Variants in GULP1 observed in about 807,000 individuals in gnomAD.
GULP1 encodes the protein PTB domain-containing engulfment adapter protein 1.
In GULP1, 19 loss-of-function variants were observed where a neutral mutation model predicts 40.9. The ratio of observed to expected loss-of-function variants is 0.46; its 90% confidence interval spans 0.32 to 0.68. The LOEUF is 0.68. GULP1 is among the 30% of genes least tolerant of loss of function. The pLI, the probability that GULP1 is intolerant of heterozygous loss-of-function variation, is 0.03. For missense variants in GULP1, 312 were observed against 362.2 expected (o/e 0.86, Z 1.12); for synonymous variants, 119 against 117.6 (o/e 1.01, Z -0.08).
At chr2:188,458,450 T>C (rs2059441836) in intron 2 of GULP1, among the ~76,000 whole-genome samples, 1 of 152,162 alleles carries the variant, frequency 6.6e-6, no homozygotes, top group African/African-American at 2.4e-5. Flanking sequence ...TTCATTTCTT[T>C]CAACCAGTCA....
intron 2 of GULP1, among the ~76,000 whole-genome samples, chr2:188,401,170 T>A (rs1480589140): frequency 6.6e-6 from 1 of 151,966 alleles, no homozygotes; most frequent in African/African-American, 2.4e-5. Context: ...AAAGTATATA[T>A]GATTACTATA....
At chr2:188,473,063 C>T (rs1032124523) in intron 2 of GULP1, among the ~76,000 whole-genome samples, 1 of 152,212 alleles carries the variant, frequency 6.6e-6, no homozygotes, top group Non-Finnish European at 1.5e-5. Context: ...TGGTCTTGGA[C>T]AAGATCTGAA....
At chr2:188,337,738 C>G (rs1330938820) in intron 1 of GULP1, among the ~76,000 whole-genome samples, 1 of 151,970 alleles carries the variant, frequency 6.6e-6, no homozygotes, top group Non-Finnish European at 1.5e-5. Context: ...TCAGTCTATT[C>G]CTGACTGCAC....
chr2:188,550,613 C>A (rs1001763019), intron 7 of GULP1, among the ~76,000 whole-genome samples: 2 of 151,378 alleles, frequency 1.3e-5, no homozygotes, highest in African/African-American at 2.4e-5. Context: ...TTAATTAATT[C>A]TCCGTAAAAA....
chr2:188,414,216 CAA>C (rs774779119), intron 2 of GULP1, among the ~76,000 whole-genome samples: 3 of 44,678 alleles, frequency 6.7e-5, no homozygotes. Flanking sequence ...GACTCCATCT[CAA>C]AAAAAAAAAA....
At chr2:188,455,944 A>G (rs536352237) in intron 2 of GULP1, among the ~76,000 whole-genome samples, 1 of 152,200 alleles carries the variant, frequency 6.6e-6, no homozygotes, top group Non-Finnish European at 1.5e-5. Context: ...GGTGACTCTT[A>G]TTATGTTTTA....
intron 3 of GULP1, among the ~76,000 whole-genome samples, chr2:188,482,916 A>C (rs2061550470): frequency 6.6e-6 from 1 of 151,828 alleles, no homozygotes; most frequent in East Asian, 1.9e-4. Flanking sequence ...CCAAATGAAC[A>C]CAGTAAGTTG....
chr2:188,437,307 C>A (rs562172901), intron 2 of GULP1, among the ~76,000 whole-genome samples: 1 of 151,982 alleles, frequency 6.6e-6, no homozygotes, highest in Non-Finnish European at 1.5e-5. Flanking sequence ...CCCAAACGAT[C>A]TAATTGGCAG....
At chr2:188,573,856 G>T (rs1699633514) in intron 9 of GULP1, among the ~76,000 whole-genome samples, 1 of 152,158 alleles carries the variant, frequency 6.6e-6, no homozygotes, top group African/African-American at 2.4e-5. Flanking sequence ...AGTTTTTAGT[G>T]GTGAGAGGAG....
At chr2:188,400,947 G>C (rs1306583939) in intron 2 of GULP1, among the ~76,000 whole-genome samples, 4 of 151,406 alleles carry the variant, frequency 2.6e-5, no homozygotes, top group Non-Finnish European at 5.9e-5. Context: ...GTGTGTGTGT[G>C]TGTGTGTGTG....
rs1697778180 is a variant in GULP1, at chr2:188,566,735, C to CA, written c.400-2503dup. ...CTCTTGAACTCGGGAGTGGAGGTTGCAGTGAGCTGAGATTGCGCCACTGCA... is the reference window on the plus strand; with the variant it reads ...CTCTTGAACTCGGGAGTGGAGGTTGCAAGTGAGCTGAGATTGCGCCACTGCA... On this transcript the variant is annotated intron_variant, in intron 7 of 11. Transcript: ENST00000409830. Among the ~76,000 whole-genome samples, 4 of 128,666 alleles carry CA rather than the reference C, an allele frequency of 3.1e-5. No homozygotes were observed. In the Admixed American group the frequency reaches 4.0e-4, roughly 13 times the overall value. The allele number at this position is 128,666 out of a possible 152,430, so 84.4% of individuals were successfully genotyped here. A position where few individuals can be genotyped will look rare whatever the true frequency, so the allele number is the denominator to read the frequency against.
intron 1 of GULP1, among the ~76,000 whole-genome samples, chr2:188,333,312 A>G (rs1350498468): frequency 6.6e-6 from 1 of 152,032 alleles, no homozygotes; most frequent in East Asian, 1.9e-4. Context: ...AGATTAGAAG[A>G]CTATTCTAAT....
intron 2 of GULP1, among the ~76,000 whole-genome samples, chr2:188,438,583 A>G (rs946778186): frequency 6.6e-6 from 1 of 151,504 alleles, no homozygotes; most frequent in Non-Finnish European, 1.5e-5. Flanking sequence ...TTCCTATTAC[A>G]TTGTTACTGG....
intron 7 of GULP1, among the ~76,000 whole-genome samples, chr2:188,563,516 A>T (rs980384845): frequency 6.7e-6 from 1 of 149,434 alleles, no homozygotes; most frequent in Non-Finnish European, 1.5e-5. Flanking sequence ...TTATAAATGT[A>T]ATTTATATTT....
chr2:188,352,806 A>G (rs1176430820), intron 1 of GULP1, among the ~76,000 whole-genome samples: 1 of 152,196 alleles, frequency 6.6e-6, no homozygotes, highest in Non-Finnish European at 1.5e-5. Context: ...TGTTAAGTAT[A>G]TAAATGCCAA....
At chr2:188,496,998 T>G (rs540191809) in intron 4 of GULP1, among the ~76,000 whole-genome samples, 1 of 152,120 alleles carries the variant, frequency 6.6e-6, no homozygotes, top group South Asian at 2.1e-4. Context: ...ATGCTTCCTG[T>G]ACAGCCTGCA....
intron 2 of GULP1, among the ~76,000 whole-genome samples, chr2:188,385,910 C>T (rs551173531): frequency 6.6e-6 from 1 of 152,158 alleles, no homozygotes; most frequent in African/African-American, 2.4e-5. Context: ...CAAAGCCATT[C>T]AACAAGTCTT....
At chr2:188,466,932 G>A (rs1430592613) in intron 2 of GULP1, among the ~76,000 whole-genome samples, 4 of 151,944 alleles carry the variant, frequency 2.6e-5, no homozygotes, top group African/African-American at 9.7e-5. Flanking sequence ...TTCCCCAAGT[G>A]TCTCTTTCAT....
intron 7 of GULP1, among the ~76,000 whole-genome samples, chr2:188,554,546 C>T (rs1391324835): frequency 2.0e-5 from 3 of 149,324 alleles, no homozygotes; most frequent in African/African-American, 7.4e-5. Flanking sequence ...TTTGTTGAGA[C>T]TTGTTTTGTG....
Sources: allele counts gnomAD v4.1 joint callset (sites outside exome capture counted in the v4.1 genomes callset), GRCh38; gene constraint gnomAD v4.1.1; transcripts MANE v1.5; gene names NCBI Gene and HGNC (gene_info 2026-07-23, HGNC 2026-07-21).